Variants in CSMD3 observed in about 807,000 individuals in gnomAD.
The protein encoded by CSMD3 is CUB and Sushi multiple domains 3.
In CSMD3, 177 loss-of-function variants were observed where a neutral mutation model predicts 435.2. The ratio of observed to expected loss-of-function variants is 0.41; its 90% CI spans 0.36 to 0.46. The LOEUF is 0.46. Among genes scored for constraint, CSMD3 ranks in the 20% least tolerant of loss-of-function variants. The probability of loss-of-function intolerance (pLI) is 0.34; values close to 1 mark genes in which losing one functional copy is unlikely to be tolerated. For missense variants in CSMD3, 4,265 were observed against 4,504.6 expected (o/e 0.95, Z 1.52); for synonymous variants, 1,656 against 1,520.5 (o/e 1.09, Z -2.07).
chr8:112,238,176 C>A (rs896073363), intron 66 of CSMD3, among the ~76,000 whole-genome samples: 22 of 151,940 alleles, frequency 1.4e-4, no homozygotes, highest in Admixed American at 1.4e-3. Context: ...AATCCTATAC[C>A]TCACAGCACA....
At chr8:113,150,752 C>G (rs1268575630) in intron 4 of CSMD3, among the ~76,000 whole-genome samples, 1 of 151,804 alleles carries the variant, frequency 6.6e-6, no homozygotes, top group African/African-American at 2.4e-5. Flanking sequence ...TATTCATTAC[C>G]ACTATATGTA....
At position 112,898,162 on chromosome 8, in the gene CSMD3, A is replaced by C. The variant is rs901573564; in HGVS notation, c.1633+23465T>G. ...TAGCTTCATAAATTTACAATGTCTA[A>C]TAAAAACCAACAGGAGAAAAGTATT... is the stretch of plus-strand genomic sequence containing the variant. On this transcript the variant is annotated intron_variant, in intron 10 of 70. Transcript: ENST00000297405. Among the ~76,000 whole-genome samples, 3 of 151,270 alleles carry C rather than the reference A, an allele frequency of 2.0e-5. No individual in the cohort carries two copies. In the South Asian group the frequency reaches 6.2e-4, roughly 31 times the overall value.
intron 3 of CSMD3, among the ~76,000 whole-genome samples, chr8:113,246,902 G>C (rs542733233): frequency 1.3e-5 from 2 of 152,260 alleles, no homozygotes; most frequent in African/African-American, 4.8e-5. Context: ...TACTTTGCTG[G>C]AGAGGTTTGT....
intron 32 of CSMD3, among the ~76,000 whole-genome samples, chr8:112,438,820 C>T (rs1814664049): frequency 6.6e-6 from 1 of 152,138 alleles, no homozygotes; most frequent in African/African-American, 2.4e-5. Flanking sequence ...CCCCATATAG[C>T]TACTACCAAA....
intron 3 of CSMD3, among the ~76,000 whole-genome samples, chr8:113,270,703 C>A (rs1163507846): frequency 1.3e-5 from 2 of 151,902 alleles, no homozygotes; most frequent in Non-Finnish European, 2.9e-5. Flanking sequence ...GAAACCATCA[C>A]TCTCAGCAAA....
chr8:113,345,867 C>T lies in CSMD3; in HGVS notation c.179-31074G>A, dbSNP rs1588563871. Among the ~76,000 whole-genome samples, 3 of 152,024 alleles carry T rather than the reference C, an allele frequency of 2.0e-5. No homozygotes were observed. The East Asian group carries it at 5.9e-4, about 30-fold the overall frequency. ...GGCTGAACTGGGATGGGAATTCACA[C>T]ACCCCGGCTCCAGAACTTAGCTGTC... On this transcript the variant is annotated intron_variant, in intron 1 of 70. Transcript: ENST00000297405.
In CSMD3 at chr8:112,224,595, T is replaced by C. The variant is rs992874112; in HGVS notation, c.*176A>G. On this transcript the variant is annotated 3_prime_UTR_variant, in exon 71 of 71. Transcript: ENST00000297405. ...CAAATTTCTGTAAAACTCTCCATGGTAAACATGAAGAATTATGGTCCAGTT... is the reference window on the plus strand; with the variant it reads ...CAAATTTCTGTAAAACTCTCCATGGCAAACATGAAGAATTATGGTCCAGTT... The C allele has an allele frequency of 1.5e-5, 10 of 685,176 alleles. No individual in the cohort carries two copies. In the African/African-American group the frequency reaches 1.8e-4, roughly 12 times the overall value. The allele number at this position is 685,176 out of a possible 1,614,324, so 42.4% of individuals were successfully genotyped here. A position where few individuals can be genotyped will look rare whatever the true frequency, so the allele number is the denominator to read the frequency against.
chr8:112,928,139 C>G (rs879721853), intron 9 of CSMD3, among the ~76,000 whole-genome samples: 3 of 151,962 alleles, frequency 2.0e-5, no homozygotes, highest in Non-Finnish European at 4.4e-5. Flanking sequence ...AAACATAAAA[C>G]AGTATACTCA....
intron 1 of CSMD3, among the ~76,000 whole-genome samples, chr8:113,374,489 T>C (rs1464298435): frequency 1.3e-5 from 2 of 152,060 alleles, no homozygotes; most frequent in African/African-American, 4.8e-5. Flanking sequence ...AAGTTCAAAT[T>C]TGTATTCCTC....
chr8:112,301,887 G>C lies in CSMD3; in HGVS notation c.8346C>G (p.Ile2782Met), dbSNP rs770484698. ...GCATGAATCCCAAGTCGCAGGTAAA[G>C]ATAGCTGTTGAGCCATATGAAGTTT... ...GTQTSYGSTA[I>M]FTCDLGFMLV... is the part of the protein sequence containing the mutation. The change falls in exon 53 of 71, where the codon ATC becomes ATG. Residue 2782 changes from isoleucine (I) to methionine (M), a missense_variant. Physicochemically the swap from Ile to Met is conservative, Grantham distance 10 (BLOSUM62 1). Coordinates refer to ENST00000297405, the MANE Select transcript of CSMD3 (RefSeq NM_198123.2). 1 of 1,613,346 alleles carries C rather than the reference G, an allele frequency of 6.2e-7. No individual in the cohort carries two copies. Among genetic ancestry groups the C allele is most frequent in the Non-Finnish European group, 8.5e-7 (1 of 1,179,366 alleles).
intron 1 of CSMD3, among the ~76,000 whole-genome samples, chr8:113,386,490 T>C (rs539473083): frequency 6.6e-6 from 1 of 152,024 alleles, no homozygotes; most frequent in African/African-American, 2.4e-5. Context: ...AACTTTTACA[T>C]TTAGTCATCC....
chr8:112,628,191 GAA>G (rs1457968432), intron 22 of CSMD3, among the ~76,000 whole-genome samples: 1 of 152,024 alleles, frequency 6.6e-6, no homozygotes, highest in East Asian at 1.9e-4. Context: ...TTAACTCATT[GAA>G]AAAGTTTTTG....
At chr8:112,675,755 A>G (rs2075757601) in intron 16 of CSMD3, among the ~76,000 whole-genome samples, 1 of 152,090 alleles carries the variant, frequency 6.6e-6, no homozygotes, top group African/African-American at 2.4e-5. Context: ...CTCTTTAGAG[A>G]AGAATGGTAT....
chr8:112,737,803 A>G (rs1036281838), intron 13 of CSMD3, among the ~76,000 whole-genome samples: 3 of 151,912 alleles, frequency 2.0e-5, no homozygotes, highest in African/African-American at 7.2e-5. Flanking sequence ...CCTGCAATTC[A>G]GAATTTATAC....
intron 10 of CSMD3, among the ~76,000 whole-genome samples, chr8:112,897,994 G>T (rs1485201272): frequency 1.3e-5 from 2 of 150,992 alleles, no homozygotes; most frequent in African/African-American, 4.8e-5. Context: ...TAAAAGAAAA[G>T]TATGTCCCGC....
chr8:113,249,002 C>T (rs1453579073), intron 3 of CSMD3, among the ~76,000 whole-genome samples: 1 of 151,894 alleles, frequency 6.6e-6, no homozygotes, highest in Non-Finnish European at 1.5e-5. Context: ...GTAATAATCC[C>T]CACGTGTCAA....
rs1420751814 is a variant in CSMD3, at chr8:112,754,481, A to G, written c.1972+45681T>C. Among the ~76,000 whole-genome samples the G allele has an allele frequency of 2.0e-5, 3 of 152,162 alleles. No individual in the cohort carries two copies. In the East Asian group the frequency reaches 5.8e-4, roughly 29 times the overall value. On this transcript the variant is annotated intron_variant, in intron 13 of 70. Coordinates refer to ENST00000297405, the MANE Select transcript of CSMD3 (RefSeq NM_198123.2). ...GTAATTTCAAGTGTTTTTTAGGAAA[A>G]AAAAAATAGCAATTATCTCTTTTTC...
At chr8:112,700,457 T>A (rs1466528406) in intron 13 of CSMD3, among the ~76,000 whole-genome samples, 2 of 152,056 alleles carry the variant, frequency 1.3e-5, no homozygotes, top group African/African-American at 4.8e-5. Context: ...GGAGAGATTG[T>A]GCCACTGCAC....
intron 18 of CSMD3, among the ~76,000 whole-genome samples, chr8:112,651,341 G>A (rs997065450): frequency 3.9e-5 from 6 of 152,026 alleles, no homozygotes; most frequent in African/African-American, 1.4e-4. Flanking sequence ...AAACAAAATG[G>A]TACAAAATAG....
Sources: allele counts gnomAD v4.1 joint callset (sites outside exome capture counted in the v4.1 genomes callset), GRCh38; gene constraint gnomAD v4.1.1; transcripts MANE v1.5; gene names NCBI Gene and HGNC (gene_info 2026-07-23, HGNC 2026-07-21).